TBC1D9: variants seen among roughly 807,000 people sequenced by gnomAD.
The protein encoded by TBC1D9 is TBC1 domain family member 9A.
In TBC1D9, 63 loss-of-function variants were observed where a neutral mutation model predicts 132.0. The ratio of observed to expected loss-of-function variants is 0.48; its 90% CI spans 0.39 to 0.59. The LOEUF (loss-of-function observed/expected upper bound fraction) is 0.59, where lower values mean the gene tolerates loss of function less well. TBC1D9 is among the 20% of genes least tolerant of loss of function. The pLI is 0.00. For synonymous variants in TBC1D9, 610 were observed against 609.9 expected (o/e 1.00, Z 0.00); for missense variants, 1,261 against 1,592.7 (o/e 0.79, Z 3.54).
chr4:140,727,168 T>C (rs1430647949), intron 1 of TBC1D9, among the ~76,000 whole-genome samples: 1 of 152,224 alleles, frequency 6.6e-6, no homozygotes, highest in Non-Finnish European at 1.5e-5. Flanking sequence ...TCACAGAGCC[T>C]AGTGTGCAAA....
rs537244920 is a variant in TBC1D9, at chr4:140,730,500, G to T, written c.130+25416C>A. On this transcript the variant is annotated intron_variant, in intron 1 of 20. Coordinates refer to ENST00000442267, the MANE Select transcript of TBC1D9 (RefSeq NM_015130.3). ...CTAGCACTTTGGGAGGCCGAGGCAGGCAGATCACCTGAGGTCAGGAGTTCA... is the reference window on the plus strand; with the variant it reads ...CTAGCACTTTGGGAGGCCGAGGCAGTCAGATCACCTGAGGTCAGGAGTTCA... 3.3e-5 allele frequency among the ~76,000 whole-genome samples: 5 copies of T among 152,182 alleles called. No homozygotes were observed. The East Asian group carries it at 9.6e-4, about 29-fold the overall frequency.
chr4:140,740,536 T>C (rs1027366890), intron 1 of TBC1D9, among the ~76,000 whole-genome samples: 2 of 152,232 alleles, frequency 1.3e-5, no homozygotes, highest in Non-Finnish European at 2.9e-5. Flanking sequence ...TCACCTTATC[T>C]TATGTAAAAT....
In TBC1D9 at chr4:140,694,726, T is replaced by C. The variant is rs1421780114; in HGVS notation, c.241+6778A>G. On this transcript the variant is annotated intron_variant, in intron 2 of 20. Coordinates refer to ENST00000442267, the MANE Select transcript of TBC1D9 (RefSeq NM_015130.3). The stretch of plus-strand genomic sequence containing the variant: ...ATACTGTAAATATATAGTATACACA[T>C]AGTATATATTATATACCTATATATT... 2.0e-5 allele frequency among the ~76,000 whole-genome samples: 3 copies of C among 149,386 alleles called. No individual in the cohort carries two copies. In the Admixed American group the frequency reaches 2.0e-4, roughly 10 times the overall value.
chr4:140,712,168 G>A (rs748014507), intron 1 of TBC1D9: 17 of 148,280 alleles, frequency 1.1e-4, no homozygotes, highest in African/African-American at 2.0e-4. Context: ...CTAAATGAGA[G>A]GCTCCCTCAA....
At chr4:140,643,940 C>T (rs891777457) in intron 13 of TBC1D9, 9 of 645,696 alleles carry the variant, frequency 1.4e-5, no homozygotes, top group Admixed American at 2.0e-5. Flanking sequence ...CGTCCACATC[C>T]TCCACCTCCA....
chr4:140,643,607 C>G, intron 13 of TBC1D9: 1 of 938,354 alleles, frequency 1.1e-6, no homozygotes, highest in Non-Finnish European at 1.6e-6. Context: ...CTTCCTCCGG[C>G]GCTGCCTCTG....
intron 20 of TBC1D9, among the ~76,000 whole-genome samples, chr4:140,623,586 T>G (rs776342411): frequency 1.3e-5 from 2 of 152,172 alleles, no homozygotes; most frequent in Admixed American, 6.5e-5. Flanking sequence ...TGCACCTCAA[T>G]TTTTCCAAGG....
At position 140,751,615 on chromosome 4, in the gene TBC1D9, T is replaced by A. The variant is rs374028858; in HGVS notation, c.130+4301A>T. Among the ~76,000 whole-genome samples the A allele has an allele frequency of 5.3e-5, 8 of 152,192 alleles. No individual in the cohort carries two copies. In the East Asian group the frequency reaches 9.6e-4, roughly 18 times the overall value. ...GTATCTAAACAGGACTTAAGGAATTTTAAAAATTAAGAATCTCTGTTCATT... is the reference window on the plus strand; with the variant it reads ...GTATCTAAACAGGACTTAAGGAATTATAAAAATTAAGAATCTCTGTTCATT... On this transcript the variant is annotated intron_variant, in intron 1 of 20. Transcript: ENST00000442267.
At chr4:140,746,768 C>A (rs1281252877) in intron 1 of TBC1D9, among the ~76,000 whole-genome samples, 1 of 152,174 alleles carries the variant, frequency 6.6e-6, no homozygotes, top group South Asian at 2.1e-4. Context: ...CCCCATGATT[C>A]AATTATTTCC....
intron 1 of TBC1D9, among the ~76,000 whole-genome samples, chr4:140,737,467 A>T (rs529042048): frequency 8.0e-5 from 12 of 150,280 alleles, no homozygotes; most frequent in East Asian, 5.9e-4. Flanking sequence ...TCTCTCTCTC[A>T]CACACACATA....
At chr4:140,625,020 C>A (rs916947539) in intron 18 of TBC1D9, among the ~76,000 whole-genome samples, 1 of 151,622 alleles carries the variant, frequency 6.6e-6, no homozygotes, top group Admixed American at 6.6e-5. Flanking sequence ...CCATTGCACT[C>A]CAGCCTGGGC....
At chr4:140,716,213 A>G (rs923968196) in intron 1 of TBC1D9, 3 of 152,228 alleles carry the variant, frequency 2.0e-5, no homozygotes, top group African/African-American at 7.2e-5. Flanking sequence ...TAGGTTGGAC[A>G]CAGTGGGTCA....
At chr4:140,688,185 A>C (rs905143384) in intron 2 of TBC1D9, among the ~76,000 whole-genome samples, 3 of 152,190 alleles carry the variant, frequency 2.0e-5, no homozygotes, top group Non-Finnish European at 2.9e-5. Flanking sequence ...TATTTTCCAC[A>C]CTTGCTCTTT....
intron 13 of TBC1D9, chr4:140,644,113 C>T: frequency 2.6e-6 from 1 of 377,722 alleles, no homozygotes; most frequent in Admixed American, 3.5e-5. Flanking sequence ...CCATCCGCAT[C>T]GGCGGCCACT....
chr4:140,700,968 T>G (rs189375081), intron 2 of TBC1D9: 1 of 153,242 alleles, frequency 6.5e-6, no homozygotes, highest in Non-Finnish European at 1.5e-5. Context: ...ACTACTATTT[T>G]AAGCACAGCA....
chr4:140,660,761 T>C (rs1464642577), intron 10 of TBC1D9, among the ~76,000 whole-genome samples: 2 of 152,292 alleles, frequency 1.3e-5, no homozygotes, highest in Admixed American at 1.3e-4. Flanking sequence ...GGGGGTTATT[T>C]AAATTGGAAG....
chr4:140,669,997 G>GC (rs1177842826), intron 7 of TBC1D9, among the ~76,000 whole-genome samples, 193 bp from the exon 8 acceptor site: 1 of 152,134 alleles, frequency 6.6e-6, no homozygotes, highest in Admixed American at 6.5e-5. Context: ...GTCCCAGGCC[G>GC]CAGCACTTCA....
chr4:140,688,501 TA>T (rs1737823931), intron 2 of TBC1D9, among the ~76,000 whole-genome samples: 1 of 151,992 alleles, frequency 6.6e-6, no homozygotes, highest in Admixed American at 6.6e-5. Context: ...CCCTCATCTC[TA>T]CAAAAAAATT....
chr4:140,623,191 C>A (rs538941151), intron 20 of TBC1D9, among the ~76,000 whole-genome samples: 1 of 152,026 alleles, frequency 6.6e-6, no homozygotes, highest in African/African-American at 2.4e-5. Flanking sequence ...CTCACATGAA[C>A]CTCCCACCTC....
Sources: allele counts gnomAD v4.1 joint callset (sites outside exome capture counted in the v4.1 genomes callset), GRCh38; gene constraint gnomAD v4.1.1; transcripts MANE v1.5; gene names NCBI Gene and HGNC (gene_info 2026-07-23, HGNC 2026-07-21).